Variants in THADA observed in about 807,000 individuals in gnomAD.
THADA encodes the protein tRNA (32-2'-O)-methyltransferase regulator THADA.
Under a neutral mutation model 219.8 loss-of-function variants are expected in THADA, and 213 were observed. That is an observed-to-expected ratio of 0.97 (90% CI 0.87 to 1.09). The LOEUF (loss-of-function observed/expected upper bound fraction) is 1.09. Among genes scored for constraint, THADA ranks in the 50% least tolerant of loss-of-function variants. The pLI is 0.00. For missense variants in THADA, 2,956 were observed against 2,311.3 expected, an observed-to-expected ratio of 1.28 and a Z score of -5.72; for synonymous variants, 1,018 against 828.9, an observed-to-expected ratio of 1.23 and a Z score of -3.92.
At chr2:43,559,620 C>T (rs1697817073) in intron 16 of THADA, among the ~76,000 whole-genome samples, 1 of 152,182 alleles carries the variant, frequency 6.6e-6, no homozygotes, top group Non-Finnish European at 1.5e-5. Context: ...GCAGACTCAT[C>T]CCCACACAAT....
Position 43,581,806 on chromosome 2 carries a change from G to A in THADA, c.656C>T (p.Ser219Phe). ...QDFQGNLWKT[S>F]DSPIWQNMCG... is the part of the protein sequence containing the mutation. ...CATATTTTGCCATATGGGAGAATCGGAAGTCTTCCAAAGATTTCCCTGGAA... is the reference window on the plus strand; with the variant it reads ...CATATTTTGCCATATGGGAGAATCGAAAGTCTTCCAAAGATTTCCCTGGAA... Residue 219 changes from serine to phenylalanine, a missense_variant, in exon 8 of 38, where the codon TCC becomes TTC. Physicochemically the swap from Ser to Phe is radical, Grantham distance 155 (BLOSUM62 -2). Coordinates refer to ENST00000405975, the MANE Select transcript of THADA (RefSeq NM_022065.5). 1.2e-6 allele frequency: 2 copies of A among 1,612,948 alleles called. No individual in the cohort carries two copies. The highest frequency in any genetic ancestry group is 1.7e-6 in the Non-Finnish European group (2 of 1,179,694).
At chr2:43,318,649 ATCCTG>A (rs1678348833) in intron 31 of THADA, among the ~76,000 whole-genome samples, 1 of 152,218 alleles carries the variant, frequency 6.6e-6, no homozygotes, top group Non-Finnish European at 1.5e-5. Flanking sequence ...GAATAAAAGC[ATCCTG>A]TCCTCACATC....
intron 20 of THADA, among the ~76,000 whole-genome samples, chr2:43,542,253 T>A (rs1201205609): frequency 6.6e-6 from 1 of 152,148 alleles, no homozygotes; most frequent in Non-Finnish European, 1.5e-5. Flanking sequence ...TACATACACA[T>A]AAACATATAA....
At chr2:43,410,691 T>C (rs1573517107) in intron 28 of THADA, among the ~76,000 whole-genome samples, 1 of 151,456 alleles carries the variant, frequency 6.6e-6, no homozygotes, top group East Asian at 1.9e-4. Flanking sequence ...CAAATTAATC[T>C]GTATTGACAG....
chr2:43,326,774 G>A (rs1163731850), intron 30 of THADA, among the ~76,000 whole-genome samples: 1 of 152,182 alleles, frequency 6.6e-6, no homozygotes, highest in African/African-American at 2.4e-5. Context: ...TGGACAGCTG[G>A]GGTCCCCACT....
intron 26 of THADA, among the ~76,000 whole-genome samples, chr2:43,452,903 T>A (rs768489975): frequency 6.6e-6 from 1 of 152,100 alleles, no homozygotes; most frequent in Non-Finnish European, 1.5e-5. Flanking sequence ...TACTAGAATA[T>A]CCCTTACTAC....
Position 43,588,549 on chromosome 2 carries a change from T to C in THADA, c.303-1547A>G, listed in dbSNP as rs1439123617. On this transcript the variant is annotated intron_variant, in intron 4 of 37. Coordinates refer to ENST00000405975, the MANE Select transcript of THADA (RefSeq NM_022065.5). ...TCAAGAAAACATTCTAACAAGAAAA[T>C]GTACAAAGAATATGTAATAAAAAAA... 2.0e-5 allele frequency among the ~76,000 whole-genome samples: 3 copies of C among 152,188 alleles called. No homozygotes were observed. In the East Asian group the frequency reaches 5.8e-4, roughly 29 times the overall value.
At chr2:43,400,642 C>G (rs892269528) in intron 28 of THADA, among the ~76,000 whole-genome samples, 1 of 151,868 alleles carries the variant, frequency 6.6e-6, no homozygotes, top group Non-Finnish European at 1.5e-5. Flanking sequence ...GTGACTTGGA[C>G]AAGTCACAGT....
intron 31 of THADA, among the ~76,000 whole-genome samples, chr2:43,308,755 T>G (rs1326239673): frequency 1.6e-5 from 1 of 63,298 alleles, no homozygotes; most frequent in Non-Finnish European, 2.7e-5. Context: ...TGGATACCCA[T>G]ACCAAAAAAA....
chr2:43,341,061 C>T (rs2104527708), intron 30 of THADA, among the ~76,000 whole-genome samples: 1 of 152,300 alleles, frequency 6.6e-6, no homozygotes, highest in Middle Eastern at 3.4e-3. Flanking sequence ...ATGCATTGTG[C>T]TGTCTGGCAG....
intron 36 of THADA, among the ~76,000 whole-genome samples, chr2:43,265,156 A>T (rs1671374636): frequency 6.6e-6 from 1 of 152,178 alleles, no homozygotes; most frequent in South Asian, 2.1e-4. Context: ...AGTCTCTTAC[A>T]GCAACTCCTG....
chr2:43,389,159 G>C (rs1355698052), intron 29 of THADA, among the ~76,000 whole-genome samples: 1 of 152,170 alleles, frequency 6.6e-6, no homozygotes, highest in Non-Finnish European at 1.5e-5. Context: ...AAATAACACA[G>C]CTAGTAAGCA....
chr2:43,345,041 A>C (rs994077837), intron 29 of THADA, among the ~76,000 whole-genome samples: 1 of 152,264 alleles, frequency 6.6e-6, no homozygotes, highest in African/African-American at 2.4e-5. Context: ...CAGCCTCCTT[A>C]TCTAAATCAA....
At position 43,257,740 on chromosome 2, in the gene THADA, T is replaced by C. The variant is rs574492373; in HGVS notation, c.5296+22025A>G. 2.0e-5 allele frequency among the ~76,000 whole-genome samples: 3 copies of C among 152,356 alleles called. No homozygotes were observed. The South Asian group carries it at 6.2e-4, about 32-fold the overall frequency. Reference sequence around the variant, plus strand: ...CAAAAAGTTAAATTCCCCTGCTATTTAAATTACAGCAAGGAACATAAAACC... The same window carrying C: ...CAAAAAGTTAAATTCCCCTGCTATTCAAATTACAGCAAGGAACATAAAACC... On this transcript the variant is annotated intron_variant, in intron 36 of 37. Coordinates refer to ENST00000405975, the MANE Select transcript of THADA (RefSeq NM_022065.5).
At position 43,533,487 on chromosome 2, in the gene THADA, C is replaced by T. The variant is rs373180326; in HGVS notation, c.3265-5499G>A. ...TACAATAGCAAAGACTTGGAACCAA[C>T]CCAAATGCCCATCAATGATAGACTG... On this transcript the variant is annotated intron_variant, in intron 21 of 37. Coordinates refer to ENST00000405975, the MANE Select transcript of THADA (RefSeq NM_022065.5). Among the ~76,000 whole-genome samples the T allele has an allele frequency of 2.6e-5, 4 of 152,130 alleles. No individual in the cohort carries two copies. In the East Asian group the frequency reaches 7.7e-4, roughly 29 times the overall value.
intron 22 of THADA, among the ~76,000 whole-genome samples, chr2:43,510,968 C>G (rs1374231281): frequency 6.7e-6 from 1 of 148,440 alleles, no homozygotes; most frequent in Non-Finnish European, 1.5e-5. Context: ...AAGACTCCAT[C>G]TCAAAAAAAA....
chr2:43,301,226 T>C (rs1676227665), intron 31 of THADA, among the ~76,000 whole-genome samples: 1 of 152,220 alleles, frequency 6.6e-6, no homozygotes, highest in Non-Finnish European at 1.5e-5. Context: ...AGAGCACGTA[T>C]GATTCCAGCG....
At position 43,475,525 on chromosome 2, in the gene THADA, AAAGTGAATTAGAGTTTAT is replaced by A. The variant is rs200013218; in HGVS notation, c.3836+9691_3836+9708del. On this transcript the variant is annotated intron_variant, in intron 26 of 37. Coordinates refer to ENST00000405975, the MANE Select transcript of THADA (RefSeq NM_022065.5). ...TGTGATAATATAGAGGTGAAATTCGAAAGTGAATTAGAGTTTATATTAAAAAACAATGTTAACATTCTG... is the reference window on the plus strand; with the variant it reads ...TGTGATAATATAGAGGTGAAATTCGAATTAAAAAACAATGTTAACATTCTG... Among the ~76,000 whole-genome samples the A allele has an allele frequency of 6.6e-5, 10 of 152,296 alleles. No homozygotes were observed. In the East Asian group the frequency reaches 1.5e-3, roughly 23 times the overall value.
Position 43,577,102 on chromosome 2 carries a change from G to A in THADA, c.957C>T (p.Asp319=). The change falls in exon 10 of 38, where the codon GAC becomes GAT. Residue 319 remains aspartate, a synonymous_variant. Transcript: ENST00000405975. ...TCCGACCCATGCTTCCGTTCTGCCA[G>A]TCCAACATGGCAAGTGTCCCCTGAC... ...FLCQGTLAML[D]WQNGSMGRSG... is the part of the protein sequence containing the mutation. 1 of 1,613,350 alleles carries A rather than the reference G, an allele frequency of 6.2e-7. No individual in the cohort carries two copies. The highest frequency in any genetic ancestry group is 8.5e-7 in the Non-Finnish European group (1 of 1,179,698).
Sources: allele counts gnomAD v4.1 joint callset (sites outside exome capture counted in the v4.1 genomes callset), GRCh38; gene constraint gnomAD v4.1.1; transcripts MANE v1.5; gene names NCBI Gene and HGNC (gene_info 2026-07-23, HGNC 2026-07-21).